PCDHGA9: variants seen among roughly 807,000 people sequenced by gnomAD.
PCDHGA9 encodes the protein protocadherin gamma-A9.
A neutral mutation model predicts 62.5 loss-of-function variants in PCDHGA9; 37 were observed. The ratio of observed to expected loss-of-function variants is 0.59; its 90% CI spans 0.46 to 0.78. The LOEUF (loss-of-function observed/expected upper bound fraction) is 0.78, where lower values mean the gene tolerates loss of function less well. Among genes scored for constraint, PCDHGA9 ranks in the 30% least tolerant of loss-of-function variants. The pLI is 0.00. For missense variants in PCDHGA9, 1,138 were observed against 1,166.2 expected, an observed-to-expected ratio of 0.98 and a Z score of 0.35; for synonymous variants, 459 against 484.6, an observed-to-expected ratio of 0.95 and a Z score of 0.69.
intron 1 of PCDHGA9, chr5:141,422,216 C>T (rs1241784107): frequency 6.4e-7 from 1 of 1,563,862 alleles, no homozygotes; most frequent in African/African-American, 1.4e-5. Flanking sequence ...GGTCTCTTTA[C>T]CACCACGACG....
rs994009107 is a variant in PCDHGA9 at position 141,490,364 on chromosome 5, G to A, written c.2425-4443G>A. ...ACAGTAGTGGGGTTGTTTAATGTGC[G>A]AGACCGGGACTCAGGTAGAAATGGT... On this transcript the variant is annotated intron_variant, in intron 1 of 3. Transcript: ENST00000573521. The surrounding 1 kb of genome is among the most constrained non-coding windows in gnomAD (Gnocchi z 5.4). 7 of 1,614,056 alleles carry A rather than the reference G, an allele frequency of 4.3e-6. No individual in the cohort carries two copies. In the African/African-American group the frequency reaches 5.3e-5, roughly 12 times the overall value.
intron 1 of PCDHGA9, among the ~76,000 whole-genome samples, chr5:141,446,338 G>T (rs964323259): frequency 6.6e-6 from 1 of 152,128 alleles, no homozygotes; most frequent in African/African-American, 2.4e-5. Flanking sequence ...GGAACTGGAT[G>T]GACAAAGCTA....
At chr5:141,507,447 G>A (rs998019159) in intron 3 of PCDHGA9, among the ~76,000 whole-genome samples, 1 of 152,226 alleles carries the variant, frequency 6.6e-6, no homozygotes, top group Non-Finnish European at 1.5e-5. Flanking sequence ...GCTGACGGAA[G>A]GACAGAGAGA....
intron 1 of PCDHGA9, chr5:141,414,130 T>C (rs761622500): frequency 6.3e-7 from 1 of 1,594,602 alleles, no homozygotes; most frequent in South Asian, 1.1e-5. Context: ...AACCGGTTTC[T>C]ATGAAATAGA....
intron 1 of PCDHGA9, among the ~76,000 whole-genome samples, chr5:141,474,061 T>A (rs2099339173): frequency 1.3e-5 from 2 of 152,058 alleles, no homozygotes; most frequent in Admixed American, 6.6e-5. Flanking sequence ...CAGAGCGAGA[T>A]CCTGCCTCAG....
intron 1 of PCDHGA9, among the ~76,000 whole-genome samples, chr5:141,473,736 G>A (rs1278322296): frequency 1.3e-5 from 2 of 152,202 alleles, no homozygotes; most frequent in Non-Finnish European, 2.9e-5. Flanking sequence ...AGAGGGAGAA[G>A]ACATGAGAAC....
chr5:141,411,910 C>T (rs1248743908), intron 1 of PCDHGA9: 2 of 152,164 alleles, frequency 1.3e-5, no homozygotes, highest in East Asian at 1.9e-4. Context: ...TGCCTTTGCA[C>T]TCAGTCTCTG....
chr5:141,508,979 G>C (rs1317798009), intron 3 of PCDHGA9, among the ~76,000 whole-genome samples: 1 of 152,110 alleles, frequency 6.6e-6, no homozygotes, highest in Admixed American at 6.5e-5. Context: ...GCTGGGGGTG[G>C]GGGCCAGCTG....
chr5:141,502,037 C>T (rs2154593041), intron 2 of PCDHGA9, among the ~76,000 whole-genome samples: 1 of 152,302 alleles, frequency 6.6e-6, no homozygotes, highest in East Asian at 1.9e-4. Context: ...CGCCGCTTGC[C>T]TGCTCTCCCT....
rs145288114 is a variant in PCDHGA9 at position 141,477,334 on chromosome 5, C to T, written c.2425-17473C>T. On this transcript the variant is annotated intron_variant, in intron 1 of 3. Coordinates refer to ENST00000573521, the MANE Select transcript of PCDHGA9 (RefSeq NM_018921.3). This position sits in a 1 kb window ranked among gnomAD's most constrained non-coding sequence, Gnocchi z 4.9. ...GCCTTACTTCTTCCCTCAAGAATTA[C>T]TTCACTTTGAAAACCAGTGCAGACC... is the stretch of plus-strand genomic sequence containing the variant. 1.3e-4 allele frequency: 215 copies of T among 1,614,074 alleles called. No homozygotes were observed. Among genetic ancestry groups the T allele is most frequent in the Non-Finnish European group, 1.8e-4 (210 of 1,180,044 alleles).
chr5:141,408,448 G>A, intron 1 of PCDHGA9: 4 of 1,614,054 alleles, frequency 2.5e-6, no homozygotes, highest in Non-Finnish European at 2.5e-6. Context: ...CGGAGAGCGG[G>A]GACTTACTTG....
intron 1 of PCDHGA9, among the ~76,000 whole-genome samples, 184 bp from the exon 2 acceptor site, chr5:141,494,623 C>A (rs2099755716): frequency 6.6e-6 from 1 of 152,146 alleles, no homozygotes; most frequent in Non-Finnish European, 1.5e-5. Flanking sequence ...GTTTCTGGTA[C>A]CTCAGACCTC....
chr5:141,460,498 T>C (rs1028506755), intron 1 of PCDHGA9, among the ~76,000 whole-genome samples: 3 of 152,184 alleles, frequency 2.0e-5, no homozygotes, highest in African/African-American at 7.2e-5. Context: ...TGGAAAAATA[T>C]GCTGAGAAGG....
In PCDHGA9 at chr5:141,476,132, T is replaced by C. The variant is rs751708569; in HGVS notation, c.2425-18675T>C. 2 of 1,607,820 alleles carry C rather than the reference T, an allele frequency of 1.2e-6. No homozygotes were observed. The highest frequency in any genetic ancestry group is 1.1e-5 in the South Asian group (1 of 90,582). On this transcript the variant is annotated intron_variant, in intron 1 of 3. Coordinates refer to ENST00000573521, the MANE Select transcript of PCDHGA9 (RefSeq NM_018921.3). The surrounding 1 kb of genome is among the most constrained non-coding windows in gnomAD (Gnocchi z 7.6). ...TTTGAGTGAGATGGTCCCAGAGGCC[T>C]GGAGGAGCGGACTGGTAAGCACCGG...
chr5:141,444,280 T>C (rs1217749098), intron 1 of PCDHGA9, among the ~76,000 whole-genome samples: 1 of 147,614 alleles, frequency 6.8e-6, no homozygotes, highest in East Asian at 2.1e-4. Context: ...CAAGTGATTC[T>C]CCTGCCTCAG....
At chr5:141,409,747 C>A in intron 1 of PCDHGA9, 3 of 1,612,994 alleles carry the variant, frequency 1.9e-6, no homozygotes, top group South Asian at 1.1e-5. Flanking sequence ...GGGTGGTGTT[C>A]GCGCAGCGCG....
chr5:141,476,483 G>T lies in PCDHGA9; in HGVS notation c.2425-18324G>T. On this transcript the variant is annotated intron_variant, in intron 1 of 3. Coordinates refer to ENST00000573521, the MANE Select transcript of PCDHGA9 (RefSeq NM_018921.3). The surrounding 1 kb of genome is among the most constrained non-coding windows in gnomAD (Gnocchi z 7.6). ...CCCGCTGGAGCTGTTCAGCGTGGAA[G>T]TGGTGATCCAGGACATCAACGACAA... 6.2e-7 allele frequency: 1 copy of T among 1,614,166 alleles called. No homozygotes were observed. The highest frequency in any genetic ancestry group is 8.5e-7 in the Non-Finnish European group (1 of 1,180,034).
At chr5:141,480,726 G>A (rs2099524533) in intron 1 of PCDHGA9, among the ~76,000 whole-genome samples, 1 of 152,138 alleles carries the variant, frequency 6.6e-6, no homozygotes, top group Non-Finnish European at 1.5e-5. Context: ...CACAGTCTCT[G>A]GGGGTGGGAC....
chr5:141,500,144 C>T (rs2099796717), intron 2 of PCDHGA9, among the ~76,000 whole-genome samples: 1 of 151,426 alleles, frequency 6.6e-6, no homozygotes, highest in South Asian at 2.1e-4. Context: ...CTAAACTTTT[C>T]TTTGTGTAAT....
Sources: gnomAD v4.1 joint callset for allele counts (sites outside exome capture counted in the v4.1 genomes callset) on GRCh38, gnomAD v4.1.1 for gene constraint, Gnocchi (gnomAD v3.1) non-coding constraint, MANE v1.5 for transcripts, NCBI Gene and HGNC (gene_info 2026-07-23, HGNC 2026-07-21) for gene names.